IL1RAPL1: variants seen among roughly 807,000 people sequenced by gnomAD.
IL1RAPL1 encodes interleukin 1 receptor accessory protein like 1, also known as interleukin-1 receptor accessory protein-like 1.
In IL1RAPL1, 3 loss-of-function variants were observed where a neutral mutation model predicts 48.4. That is an observed-to-expected ratio of 0.06 (90% confidence interval 0.03 to 0.16). The LOEUF is 0.16. Among genes scored for constraint, IL1RAPL1 ranks in the 10% least tolerant of loss-of-function variants. The pLI is 1.00. For synonymous variants in IL1RAPL1, 185 were observed against 187.7 expected (o/e 0.99, Z 0.12); for missense variants, 349 against 530.6 (o/e 0.66, Z 3.36).
At chrX:29,644,155 T>C in intron 5 of IL1RAPL1, among the ~76,000 whole-genome samples, 1 of 112,393 alleles carries the variant, frequency 8.9e-6, no homozygotes, top group Middle Eastern at 4.6e-3. Flanking sequence ...ATTAAAGGTA[T>C]CTAATGAAGG....
At chrX:29,521,189 TATAAC>T (rs1195438778) in intron 5 of IL1RAPL1, among the ~76,000 whole-genome samples, 4 of 112,413 alleles carry the variant, frequency 3.6e-5, no homozygotes, top group South Asian at 3.6e-4. Flanking sequence ...CATAAACAAA[TATAAC>T]AAACTAGTTT....
At chrX:29,863,191 C>T (rs1187244966) in intron 6 of IL1RAPL1, among the ~76,000 whole-genome samples, 1 of 111,316 alleles carries the variant, frequency 9.0e-6, no homozygotes, top group East Asian at 2.8e-4. Context: ...AATCAAACCT[C>T]TTCTAAGGTA....
In IL1RAPL1 at chrX:29,350,191, T is replaced by TTATATATATATATATATATATATATA. The variant is rs397897010; in HGVS notation, c.363-46059_363-46034dup. Among the ~76,000 whole-genome samples the TTATATATATATATATATATATATATA allele has an allele frequency of 5.6e-4, 22 of 39,420 alleles. 1 individual carries two copies. Among genetic ancestry groups the TTATATATATATATATATATATATATA allele is most frequent in the South Asian group, 3.4e-3 (2 of 582 alleles). The allele number at this position is 39,420 out of a possible 115,157, so 34.2% of individuals were successfully genotyped here. A position where few individuals can be genotyped will look rare whatever the true frequency, so the allele number is the denominator to read the frequency against. Reference sequence around the variant, plus strand: ...CTCCCTTGGTCTACATACTGTTATTTTATATATATATATATATATATATAT... The same window carrying TTATATATATATATATATATATATATA: ...CTCCCTTGGTCTACATACTGTTATTTTATATATATATATATATATATATATATATATATATATATATATATATATAT... On this transcript the variant is annotated intron_variant, in intron 3 of 10. Coordinates refer to ENST00000378993, the MANE Select transcript of IL1RAPL1 (RefSeq NM_014271.4).
At chrX:28,929,316 C>T (rs1023522864) in intron 2 of IL1RAPL1, among the ~76,000 whole-genome samples, 1 of 111,832 alleles carries the variant, frequency 8.9e-6, no homozygotes, top group Non-Finnish European at 1.9e-5. Context: ...TAACCTTATG[C>T]TACCACTATC....
At chrX:29,028,348 C>T (rs1926537721) in intron 2 of IL1RAPL1, among the ~76,000 whole-genome samples, 1 of 98,403 alleles carries the variant, frequency 1.0e-5, no homozygotes, top group Admixed American at 1.2e-4. Context: ...AGTGCAGTGG[C>T]ACAGTCTTGA....
chrX:29,792,330 C>T (rs1033739300), intron 6 of IL1RAPL1, among the ~76,000 whole-genome samples: 1 of 111,804 alleles, frequency 8.9e-6, no homozygotes, highest in Non-Finnish European at 1.9e-5. Flanking sequence ...GTCTTGAAAT[C>T]CCACATTTAG....
At chrX:28,651,345 A>G (rs371599141) in intron 1 of IL1RAPL1, among the ~76,000 whole-genome samples, 1 of 112,172 alleles carries the variant, frequency 8.9e-6, no homozygotes, top group African/African-American at 3.2e-5. Flanking sequence ...AGCCACACCC[A>G]TTTGTTTACA....
At chrX:29,585,770 A>G (rs73452562) in intron 5 of IL1RAPL1, among the ~76,000 whole-genome samples, 30,980 of 111,050 alleles carry the variant, frequency 0.28, 3,162 homozygotes, top group South Asian at 0.43. Flanking sequence ...ATGATTAGTG[A>G]CATTGAACAT....
chrX:29,920,512 G>A (rs1376475694), intron 8 of IL1RAPL1, among the ~76,000 whole-genome samples: 2 of 110,218 alleles, frequency 1.8e-5, no homozygotes, highest in Non-Finnish European at 3.8e-5. Context: ...TAGATATTAG[G>A]GGCCGGGTGC....
intron 6 of IL1RAPL1, among the ~76,000 whole-genome samples, chrX:29,840,607 G>A (rs1041024906): frequency 1.8e-5 from 2 of 112,045 alleles, no homozygotes; most frequent in Admixed American, 1.9e-4. Flanking sequence ...TTAATATAAT[G>A]TGCAAAGAGA....
At chrX:28,772,727 G>A (rs753414420) in intron 1 of IL1RAPL1, among the ~76,000 whole-genome samples, 2 of 111,949 alleles carry the variant, frequency 1.8e-5, no homozygotes, top group African/African-American at 3.2e-5. Context: ...TTAGCATGAC[G>A]TTATATTGGC....
chrX:28,680,222 G>T (rs1935043935), intron 1 of IL1RAPL1, among the ~76,000 whole-genome samples: 1 of 111,165 alleles, frequency 9.0e-6, no homozygotes, highest in Non-Finnish European at 1.9e-5. Flanking sequence ...TTTATTGCTA[G>T]TGTAAATAGG....
At chrX:28,761,866 T>G (rs994861867) in intron 1 of IL1RAPL1, among the ~76,000 whole-genome samples, 10 of 112,284 alleles carry the variant, frequency 8.9e-5, no homozygotes, top group Non-Finnish European at 1.9e-5. Context: ...CTTAACAGTG[T>G]AGTCATAAGA....
At chrX:29,683,417 A>G (rs1926521487) in intron 6 of IL1RAPL1, among the ~76,000 whole-genome samples, 1 of 112,342 alleles carries the variant, frequency 8.9e-6, no homozygotes, top group Non-Finnish European at 1.9e-5. Flanking sequence ...CACAGTCGTG[A>G]TCCAGTAGGT....
chrX:28,777,742 T>A (rs1936375209), intron 1 of IL1RAPL1, among the ~76,000 whole-genome samples: 1 of 110,982 alleles, frequency 9.0e-6, no homozygotes, highest in Admixed American at 9.7e-5. Context: ...ACTTGTGATC[T>A]GAGGGTACCA....
chrX:28,820,001 T>G (rs1383824569), intron 2 of IL1RAPL1, among the ~76,000 whole-genome samples: 2 of 84,460 alleles, frequency 2.4e-5, no homozygotes, highest in Non-Finnish European at 2.3e-5. Flanking sequence ...TATATATATA[T>G]ATATATATAT....
chrX:28,606,519 G>A (rs1934085230), intron 1 of IL1RAPL1, among the ~76,000 whole-genome samples: 1 of 111,936 alleles, frequency 8.9e-6, no homozygotes, highest in Admixed American at 9.5e-5. Context: ...ATAAAGATAT[G>A]CTAGCATTCA....
At chrX:29,173,804 G>A (rs1343224268) in intron 2 of IL1RAPL1, among the ~76,000 whole-genome samples, 1 of 112,120 alleles carries the variant, frequency 8.9e-6, no homozygotes, top group East Asian at 2.8e-4. Flanking sequence ...GATGATATGT[G>A]TGAAACTTTG....
chrX:29,930,774 T>A (rs1174033348), intron 8 of IL1RAPL1, among the ~76,000 whole-genome samples: 1 of 111,828 alleles, frequency 8.9e-6, no homozygotes, highest in African/African-American at 3.2e-5. Flanking sequence ...GAAATCTATT[T>A]GCTTGAATAT....
Sources: gnomAD v4.1 joint callset for allele counts (sites outside exome capture counted in the v4.1 genomes callset) on GRCh38, gnomAD v4.1.1 for gene constraint, MANE v1.5 for transcripts, NCBI Gene and HGNC (gene_info 2026-07-23, HGNC 2026-07-21) for gene names.